The following RFX3 variants were observed in gnomAD, a reference collection of about 807,000 sequenced individuals.
RFX3 encodes regulatory factor X3.
A neutral mutation model predicts 98.6 loss-of-function variants in RFX3; 14 were observed. The observed-to-expected ratio is 0.14, with a 90% CI of 0.09 to 0.22. The LOEUF is 0.22. RFX3 is among the 10% of genes least tolerant of loss of function. RFX3 has a pLI of 1.00. For missense variants in RFX3, 639 were observed against 926.9 expected (o/e 0.69, Z 4.03); for synonymous variants, 383 against 328.4 (o/e 1.17, Z -1.80).
Position 3,385,669 on chromosome 9 carries a change from T to C in RFX3, c.117+9803A>G, listed in dbSNP as rs556115800. Reference sequence around the variant, plus strand: ...GTTGCAGTGAGCCAAGATTGCACCATTGCACTCCAGCCTGTCTTAAAAAAA... The same window carrying C: ...GTTGCAGTGAGCCAAGATTGCACCACTGCACTCCAGCCTGTCTTAAAAAAA... On this transcript the variant is annotated intron_variant, in intron 2 of 16. Transcript: ENST00000617270. Among the ~76,000 whole-genome samples, 20 of 144,838 alleles carry C rather than the reference T, an allele frequency of 1.4e-4. No homozygotes were observed. The South Asian group carries it at 3.9e-3, about 28-fold the overall frequency.
intron 1 of RFX3, among the ~76,000 whole-genome samples, chr9:3,449,876 A>G (rs1438080515): frequency 6.6e-6 from 1 of 151,464 alleles, no homozygotes; most frequent in African/African-American, 2.4e-5. Context: ...TCAATAAAAA[A>G]AAAAGAAAAG....
intron 1 of RFX3, chr9:3,420,924 T>A: frequency 1.0e-6 from 1 of 985,082 alleles, no homozygotes; most frequent in Non-Finnish European, 1.2e-6. Flanking sequence ...AATATGGATC[T>A]TTCTCATCTG....
intron 1 of RFX3, chr9:3,490,364 G>A (rs1353518519): frequency 5.3e-6 from 5 of 945,828 alleles, no homozygotes; most frequent in Non-Finnish European, 2.5e-6. Flanking sequence ...TTAAAAGCAA[G>A]AACAATTAGT....
At chr9:3,339,013 T>C (rs1382912822) in intron 3 of RFX3, among the ~76,000 whole-genome samples, 4 of 151,942 alleles carry the variant, frequency 2.6e-5, no homozygotes, top group Non-Finnish European at 5.9e-5. Flanking sequence ...TGCTTGAACC[T>C]GGAAGGCAGA....
chr9:3,390,634 T>C (rs773249944), intron 2 of RFX3, among the ~76,000 whole-genome samples: 1 of 152,156 alleles, frequency 6.6e-6, no homozygotes, highest in Non-Finnish European at 1.5e-5. Flanking sequence ...GGGCAGGTCT[T>C]TTCTGTGCTG....
chr9:3,359,555 A>C (rs1478032667), intron 2 of RFX3, among the ~76,000 whole-genome samples: 1 of 152,120 alleles, frequency 6.6e-6, no homozygotes, highest in African/African-American at 2.4e-5. Context: ...AGAGAATTCC[A>C]GCCCATCCCT....
At chr9:3,235,367 A>G (rs1819000795) in intron 15 of RFX3, among the ~76,000 whole-genome samples, 1 of 152,194 alleles carries the variant, frequency 6.6e-6, no homozygotes, top group Non-Finnish European at 1.5e-5. Context: ...GCAGGAAAAA[A>G]TAATATACTG....
chr9:3,236,174 C>T (rs183405964), intron 15 of RFX3, among the ~76,000 whole-genome samples: 1 of 152,124 alleles, frequency 6.6e-6, no homozygotes, highest in Non-Finnish European at 1.5e-5. Context: ...TACATTTGTA[C>T]TTTATTTTTC....
At chr9:3,352,064 T>C (rs541520700) in intron 2 of RFX3, among the ~76,000 whole-genome samples, 26 of 152,106 alleles carry the variant, frequency 1.7e-4, no homozygotes, top group African/African-American at 6.0e-4. Context: ...AACCATTCCA[T>C]AGAATACATG....
At chr9:3,429,317 C>A (rs542005323) in intron 1 of RFX3, among the ~76,000 whole-genome samples, 109 of 150,744 alleles carry the variant, frequency 7.2e-4, no homozygotes, top group African/African-American at 2.5e-3. Flanking sequence ...CCACCGCGCC[C>A]GGCCAATTTT....
intron 15 of RFX3, among the ~76,000 whole-genome samples, chr9:3,239,284 C>G (rs16916157): frequency 6.6e-6 from 1 of 152,070 alleles, no homozygotes; most frequent in South Asian, 2.1e-4. Context: ...TTGGTAAAAC[C>G]TTGTGTTCCT....
intron 1 of RFX3, among the ~76,000 whole-genome samples, chr9:3,473,333 G>A (rs1587794358): frequency 6.6e-6 from 1 of 152,074 alleles, no homozygotes; most frequent in Admixed American, 6.5e-5. Flanking sequence ...TGAACTACTG[G>A]GTTCTCTTAT....
intron 15 of RFX3, among the ~76,000 whole-genome samples, chr9:3,236,478 T>C (rs970701430): frequency 2.0e-5 from 3 of 152,212 alleles, no homozygotes; most frequent in African/African-American, 4.8e-5. Flanking sequence ...ATCCTGGTCC[T>C]CTGGACAGTT....
chr9:3,236,327 T>C (rs972533926), intron 15 of RFX3, among the ~76,000 whole-genome samples: 1 of 152,142 alleles, frequency 6.6e-6, no homozygotes, highest in African/African-American at 2.4e-5. Flanking sequence ...GTCAAGGAAG[T>C]TGACAAGGAA....
intron 7 of RFX3, among the ~76,000 whole-genome samples, chr9:3,278,547 G>A (rs1825527557): frequency 6.6e-6 from 1 of 151,620 alleles, no homozygotes; most frequent in Non-Finnish European, 1.5e-5. Context: ...TCATTAATAT[G>A]AAGTTACTAT....
chr9:3,386,201 A>G (rs1839699135), intron 2 of RFX3, among the ~76,000 whole-genome samples: 2 of 152,314 alleles, frequency 1.3e-5, no homozygotes, highest in South Asian at 4.1e-4. Context: ...CTTGAAAGTG[A>G]GAACAAAGAG....
chr9:3,351,502 T>G (rs1041209237), intron 2 of RFX3, among the ~76,000 whole-genome samples: 1 of 151,792 alleles, frequency 6.6e-6, no homozygotes, highest in Non-Finnish European at 1.5e-5. Context: ...ACAAAGACAG[T>G]TTAGGACAAC....
At chr9:3,385,971 T>G (rs1839674182) in intron 2 of RFX3, among the ~76,000 whole-genome samples, 1 of 152,138 alleles carries the variant, frequency 6.6e-6, no homozygotes, top group Non-Finnish European at 1.5e-5. Flanking sequence ...GTCTGGCATT[T>G]TTTCAAACGA....
chr9:3,362,043 T>C, intron 2 of RFX3, among the ~76,000 whole-genome samples: 1 of 152,190 alleles, frequency 6.6e-6, no homozygotes, highest in East Asian at 1.9e-4. Context: ...TGGTATAATT[T>C]GTAGGTAAGG....
Sources: gnomAD v4.1 joint callset for allele counts (sites outside exome capture counted in the v4.1 genomes callset) on GRCh38, gnomAD v4.1.1 for gene constraint, MANE v1.5 for transcripts, NCBI Gene and HGNC (gene_info 2026-07-23, HGNC 2026-07-21) for gene names.